The following WDR35 variants were observed in gnomAD, a reference collection of about 807,000 sequenced individuals.
The protein encoded by WDR35 is WD repeat domain 35.
WDR35 carries 118 observed loss-of-function variants against 158.3 expected under a neutral mutation model. The ratio of observed to expected loss-of-function variants is 0.75; its 90% CI spans 0.64 to 0.87. The LOEUF (loss-of-function observed/expected upper bound fraction) is 0.87. Among genes scored for constraint, WDR35 ranks in the 40% least tolerant of loss-of-function variants. The pLI is 0.00. For synonymous variants in WDR35, 448 were observed against 476.1 expected, an observed-to-expected ratio of 0.94 and a Z score of 0.77; for missense variants, 1,263 against 1,405.8, an observed-to-expected ratio of 0.90 and a Z score of 1.62.
At chr2:19,922,448 T>C (rs1670197520) in intron 25 of WDR35, among the ~76,000 whole-genome samples, 1 of 151,860 alleles carries the variant, frequency 6.6e-6, no homozygotes, top group Admixed American at 6.6e-5. Context: ...AAACCATCAT[T>C]CTCAGCAAAC....
intron 11 of WDR35, 121 bp from the exon 12 acceptor site, chr2:19,954,099 T>C (rs1671342293): frequency 8.9e-7 from 1 of 1,124,628 alleles, no homozygotes; most frequent in Non-Finnish European, 1.3e-6. Flanking sequence ...TACCCCCACA[T>C]AGTCTCAAAA....
chr2:19,933,318 A>G, intron 22 of WDR35, 83 bp downstream of exon 22: 1 of 1,117,536 alleles, frequency 8.9e-7, no homozygotes, highest in East Asian at 2.4e-5. Context: ...TCTTTAAAAG[A>G]TCACTAGGGT....
chr2:19,911,150 C>T lies in WDR35; in HGVS notation c.*2408G>A. 6.6e-6 allele frequency: 1 copy of T among 152,188 alleles called. No individual in the cohort carries two copies. Among genetic ancestry groups the T allele is most frequent in the South Asian group, 2.1e-4 (1 of 4,818 alleles). The allele number at this position is 152,188 out of a possible 1,614,324, so 9.4% of individuals were successfully genotyped here. A position where few individuals can be genotyped will look rare whatever the true frequency, so the allele number is the denominator to read the frequency against. On this transcript the variant is annotated 3_prime_UTR_variant, in exon 27 of 27. Transcript: ENST00000281405. ...CACAGAATTAGGGGGAAATGAGAAG[C>T]CTCCAAAAGAGAGTTTCCAAAGTTA...
chr2:19,989,863 G>T (rs1459284650), intron 1 of WDR35, 129 bp downstream of exon 1: 9 of 1,468,914 alleles, frequency 6.1e-6, no homozygotes, highest in African/African-American at 1.4e-5. Context: ...CCGGCGGGAA[G>T]GATGGCTGCG....
At chr2:19,941,886 C>A (rs1670889866) in intron 16 of WDR35, 47 bp from the exon 17 acceptor site, 2 of 1,338,032 alleles carry the variant, frequency 1.5e-6, no homozygotes, top group East Asian at 5.0e-5. Flanking sequence ...AAAATTTCCT[C>A]TCTTTTAACA....
chr2:19,940,226 G>A lies in WDR35; in HGVS notation c.1926+1533C>T, dbSNP rs182020708. ...AAAAAAAACACAAAAAATTAGCCAAGCATGGCGGCCTGTGCCTGGGACCCC... is the reference window on the plus strand; with the variant it reads ...AAAAAAAACACAAAAAATTAGCCAAACATGGCGGCCTGTGCCTGGGACCCC... On this transcript the variant is annotated intron_variant, in intron 17 of 26. Coordinates refer to ENST00000281405, the MANE Select transcript of WDR35 (RefSeq NM_020779.4). Among the ~76,000 whole-genome samples, 252 of 148,710 alleles carry A rather than the reference G, an allele frequency of 1.7e-3. 3 individuals carry two copies. Among genetic ancestry groups the A allele is most frequent in the East Asian group, 4.0e-4 (2 of 4,988 alleles).
Position 19,962,064 on chromosome 2 carries a change from G to A in WDR35, c.1195-1450C>T, listed in dbSNP as rs1268384391. 2.0e-5 allele frequency among the ~76,000 whole-genome samples: 3 copies of A among 152,178 alleles called. No homozygotes were observed. The East Asian group carries it at 5.8e-4, about 29-fold the overall frequency. On this transcript the variant is annotated intron_variant, in intron 10 of 26. Transcript: ENST00000281405. ...CATGGTTAAATTCCCAGGACCCTCAGTTCTTTAGGGATGGACTAAATATCT... is the reference window on the plus strand; with the variant it reads ...CATGGTTAAATTCCCAGGACCCTCAATTCTTTAGGGATGGACTAAATATCT...
chr2:19,914,012 C>A (rs1669915647), intron 26 of WDR35, 25 bp downstream of exon 26: 1 of 1,613,206 alleles, frequency 6.2e-7, no homozygotes, highest in East Asian at 2.2e-5. Flanking sequence ...GATAGAATGG[C>A]ATCCACTAAT....
chr2:19,944,810 A>C (rs970224580), intron 16 of WDR35, among the ~76,000 whole-genome samples: 4 of 152,080 alleles, frequency 2.6e-5, no homozygotes, highest in African/African-American at 7.2e-5. Flanking sequence ...ATAATTTAGG[A>C]TATTAAAGGG....
chr2:19,922,467 G>A (rs867406395), intron 25 of WDR35, among the ~76,000 whole-genome samples: 11 of 148,460 alleles, frequency 7.4e-5, no homozygotes, highest in Middle Eastern at 3.5e-3. Flanking sequence ...ACTAACACAA[G>A]AACAGAAAAC....
intron 8 of WDR35, among the ~76,000 whole-genome samples, chr2:19,970,425 C>G (rs1672002561): frequency 2.0e-5 from 3 of 152,102 alleles, no homozygotes. Flanking sequence ...GTGGTAATAG[C>G]TTCCTAACTT....
At chr2:19,986,558 A>T (rs1357940977) in intron 2 of WDR35, among the ~76,000 whole-genome samples, 1 of 152,236 alleles carries the variant, frequency 6.6e-6, no homozygotes, top group East Asian at 1.9e-4. Context: ...TTTCAAGTCA[A>T]ATCCTGATGA....
chr2:19,923,221 C>A (rs576467742), intron 25 of WDR35, among the ~76,000 whole-genome samples: 44 of 152,252 alleles, frequency 2.9e-4, no homozygotes, highest in African/African-American at 1.0e-3. Context: ...CCTTTAGCAC[C>A]GCTGAGTTAG....
intron 12 of WDR35, among the ~76,000 whole-genome samples, chr2:19,953,283 C>A (rs1192654775): frequency 2.0e-5 from 3 of 152,176 alleles, no homozygotes. Flanking sequence ...AACCTATCTA[C>A]TATGTGGCAG....
chr2:19,922,497 T>C (rs192611523), intron 25 of WDR35, among the ~76,000 whole-genome samples: 3 of 150,992 alleles, frequency 2.0e-5, no homozygotes, highest in Admixed American at 6.6e-5. Flanking sequence ...CAGGTTCTCA[T>C]TCATAAGTGG....
chr2:19,944,381 T>C (rs1670980357), intron 16 of WDR35, among the ~76,000 whole-genome samples: 1 of 152,152 alleles, frequency 6.6e-6, no homozygotes, highest in Non-Finnish European at 1.5e-5. Context: ...GGTACCAGAC[T>C]GACCATGTGT....
At chr2:19,939,101 G>A (rs1324384486) in intron 17 of WDR35, among the ~76,000 whole-genome samples, 4 of 152,048 alleles carry the variant, frequency 2.6e-5, no homozygotes, top group Non-Finnish European at 1.5e-5. Flanking sequence ...TAAGGCAATC[G>A]GAAATTATGA....
At chr2:19,966,688 G>A (rs777374486) in intron 10 of WDR35, 36 bp downstream of exon 10, 6 of 1,608,718 alleles carry the variant, frequency 3.7e-6, no homozygotes, top group Non-Finnish European at 5.1e-6. Context: ...CAAGCAGTTA[G>A]CCCAGCTATG....
Position 19,913,182 on chromosome 2 carries a change from C to A in WDR35, c.*376G>T, listed in dbSNP as rs561290116. The A allele has an allele frequency of 1.4e-4, 23 of 167,804 alleles. No individual in the cohort carries two copies. Among genetic ancestry groups the A allele is most frequent in the Admixed American group, 3.6e-4 (6 of 16,578 alleles). 10.4% of individuals were successfully genotyped at this position (167,804 alleles called of 1,614,324 possible). A position where few individuals can be genotyped will look rare whatever the true frequency, so the allele number is the denominator to read the frequency against. On this transcript the variant is annotated 3_prime_UTR_variant, in exon 27 of 27. Transcript: ENST00000281405. The stretch of plus-strand genomic sequence containing the variant: ...ATTCTCTAAATTCAACTTTGCCCCA[C>A]TCCCATGCTTCCCCCACTCCCTACT...
Sources: allele counts gnomAD v4.1 joint callset (sites outside exome capture counted in the v4.1 genomes callset), GRCh38; gene constraint gnomAD v4.1.1; transcripts MANE v1.5; gene names NCBI Gene and HGNC (gene_info 2026-07-23, HGNC 2026-07-21).